Variants in CTNNA2 observed in about 807,000 individuals in gnomAD.
The protein encoded by CTNNA2 is catenin alpha 2.
A neutral mutation model predicts 101.0 loss-of-function variants in CTNNA2; 42 were observed. The observed-to-expected ratio is 0.42, with a 90% CI of 0.32 to 0.54. CTNNA2 has a LOEUF of 0.54. Ranked by LOEUF, CTNNA2 falls within the 20% of genes least tolerant of loss-of-function variation. The probability of loss-of-function intolerance (pLI) is 0.14; values close to 1 mark genes in which losing one functional copy is unlikely to be tolerated. For synonymous variants in CTNNA2, 450 were observed against 456.4 expected, an observed-to-expected ratio of 0.99 and a Z score of 0.18; for missense variants, 871 against 1,223.1, an observed-to-expected ratio of 0.71 and a Z score of 4.29.
intron 6 of CTNNA2, among the ~76,000 whole-genome samples, chr2:79,879,937 A>G (rs1683301463): frequency 6.6e-6 from 1 of 152,158 alleles, no homozygotes. Flanking sequence ...CCCATTCAAT[A>G]TGATATTGGT....
chr2:79,226,185 C>A (rs1037176898), intron 2 of CTNNA2, among the ~76,000 whole-genome samples: 3 of 152,162 alleles, frequency 2.0e-5, no homozygotes, highest in Non-Finnish European at 4.4e-5. Context: ...TTATCTCCAT[C>A]AACTTGCAAG....
intron 2 of CTNNA2, among the ~76,000 whole-genome samples, chr2:79,680,625 TG>T (rs1683500038): frequency 6.6e-6 from 1 of 152,200 alleles, no homozygotes; most frequent in Non-Finnish European, 1.5e-5. Context: ...CTAGGCCTCA[TG>T]GAGGCCATTG....
At chr2:80,350,587 C>T (rs1199147062) in intron 7 of CTNNA2, among the ~76,000 whole-genome samples, 1 of 152,114 alleles carries the variant, frequency 6.6e-6, no homozygotes, top group Non-Finnish European at 1.5e-5. Flanking sequence ...TGAACCTCTC[C>T]AAGTAAGACT....
At chr2:80,567,306 G>A (rs1306350431) in intron 12 of CTNNA2, among the ~76,000 whole-genome samples, 5 of 152,102 alleles carry the variant, frequency 3.3e-5, no homozygotes, top group Non-Finnish European at 7.4e-5. Flanking sequence ...TTCTTAAGTG[G>A]AACTAAAGGG....
At chr2:80,218,670 G>A (rs904491380) in intron 7 of CTNNA2, among the ~76,000 whole-genome samples, 2 of 152,148 alleles carry the variant, frequency 1.3e-5, no homozygotes, top group Non-Finnish European at 2.9e-5. Flanking sequence ...GTTGTTGTGA[G>A]ATTTAGAAGA....
intron 2 of CTNNA2, among the ~76,000 whole-genome samples, chr2:79,697,244 TA>T (rs971020201): frequency 2.0e-5 from 3 of 152,046 alleles, no homozygotes; most frequent in Admixed American, 1.3e-4. Flanking sequence ...CCTCCATAGT[TA>T]TGCAATGTCA....
In CTNNA2 at chr2:79,793,888, G is replaced by GCACACACACACACA. The variant is rs71385299; in HGVS notation, c.298+49325_298+49338dup. Among the ~76,000 whole-genome samples, 739 of 142,706 alleles carry GCACACACACACACA rather than the reference G, an allele frequency of 5.2e-3. 7 individuals carry two copies. Among genetic ancestry groups the GCACACACACACACA allele is most frequent in the African/African-American group, 0.014 (522 of 38,468 alleles). The allele number at this position is 142,706 out of a possible 152,430, so 93.6% of individuals were successfully genotyped here. ...CAATACCACACACACACACACTCAT[G>GCACACACACACACA]CACACACACACACACACACACACAC... On this transcript the variant is annotated intron_variant, in intron 3 of 18. Transcript: ENST00000402739.
chr2:79,869,292 T>A (rs1204053860), intron 4 of CTNNA2, among the ~76,000 whole-genome samples: 2 of 152,198 alleles, frequency 1.3e-5, no homozygotes, highest in Non-Finnish European at 2.9e-5. Context: ...CAATATTTCC[T>A]CTTTCCATTG....
At chr2:80,350,879 C>G (rs939564190) in intron 7 of CTNNA2, among the ~76,000 whole-genome samples, 2 of 152,104 alleles carry the variant, frequency 1.3e-5, no homozygotes, top group African/African-American at 4.8e-5. Context: ...AATCCAACAC[C>G]TGCACTTTTC....
chr2:80,617,769 T>C (rs570392714), intron 17 of CTNNA2, among the ~76,000 whole-genome samples: 26 of 151,936 alleles, frequency 1.7e-4, no homozygotes, highest in African/African-American at 5.8e-4. Flanking sequence ...CTTATGTATT[T>C]AGTACGCTAA....
chr2:79,602,699 CTG>C (rs1677625426), intron 1 of CTNNA2, among the ~76,000 whole-genome samples: 1 of 152,118 alleles, frequency 6.6e-6, no homozygotes, highest in Non-Finnish European at 1.5e-5. Context: ...CAGCACCCCT[CTG>C]TACTTGAAAC....
intron 12 of CTNNA2, 98 bp from the exon 13 acceptor site, chr2:80,574,065 T>G (rs1008490282): frequency 7.6e-7 from 1 of 1,311,978 alleles, no homozygotes; most frequent in Non-Finnish European, 1.1e-6. Context: ...CCACTTAACT[T>G]TTAGAATGCC....
At chr2:79,343,897 A>G (rs1199683419) in intron 3 of CTNNA2, among the ~76,000 whole-genome samples, 1 of 152,160 alleles carries the variant, frequency 6.6e-6, no homozygotes, top group Non-Finnish European at 1.5e-5. Context: ...TTTGTGTCTT[A>G]TAACTACAGA....
intron 7 of CTNNA2, among the ~76,000 whole-genome samples, chr2:80,214,599 C>A (rs961134113): frequency 6.6e-6 from 1 of 152,154 alleles, no homozygotes; most frequent in Non-Finnish European, 1.5e-5. Flanking sequence ...GTCTGATGGG[C>A]TTCCCTTTGT....
chr2:79,483,107 C>T (rs1671125496), intron 4 of CTNNA2, among the ~76,000 whole-genome samples: 1 of 152,174 alleles, frequency 6.6e-6, no homozygotes, highest in Non-Finnish European at 1.5e-5. Context: ...TGCATGTTGG[C>T]TTATGGCTCT....
rs1363145224 is a variant in CTNNA2 at position 79,431,049 on chromosome 2, A to G, written c.-135+57036A>G. On this transcript the variant is annotated intron_variant, in intron 4 of 21. Transcript: ENST00000466387. ...AGGTTGTTACCAGCACTAATGACCA[A>G]CTTGTCCCCATACAGGAAACTAGAA... Among the ~76,000 whole-genome samples, 3 of 152,138 alleles carry G rather than the reference A, an allele frequency of 2.0e-5. No individual in the cohort carries two copies. In the East Asian group the frequency reaches 5.8e-4, roughly 29 times the overall value.
chr2:80,093,316 C>T (rs1236158345), intron 7 of CTNNA2, among the ~76,000 whole-genome samples: 1 of 152,050 alleles, frequency 6.6e-6, no homozygotes, highest in Non-Finnish European at 1.5e-5. Context: ...CATCCATGTC[C>T]CTACAAAGGA....
chr2:80,186,844 C>CT (rs771755507), intron 7 of CTNNA2, among the ~76,000 whole-genome samples: 38 of 152,180 alleles, frequency 2.5e-4, no homozygotes, highest in Non-Finnish European at 2.9e-5. Flanking sequence ...ATGAGATAGT[C>CT]TTTCAGCAAA....
chr2:79,506,374 A>G (rs2103812994), intron 5 of CTNNA2, among the ~76,000 whole-genome samples: 1 of 152,278 alleles, frequency 6.6e-6, no homozygotes, highest in East Asian at 1.9e-4. Context: ...GTTGACTTAT[A>G]CAAAGGAATT....
Sources: allele counts gnomAD v4.1 joint callset (sites outside exome capture counted in the v4.1 genomes callset), GRCh38; gene constraint gnomAD v4.1.1; transcripts MANE v1.5; gene names NCBI Gene and HGNC (gene_info 2026-07-23, HGNC 2026-07-21).